Variants in GPM6A observed in about 807,000 individuals in gnomAD.
GPM6A encodes the protein glycoprotein M6A, also known as neuronal membrane glycoprotein M6-a.
Under a neutral mutation model 32.1 loss-of-function variants are expected in GPM6A, and 7 were observed. The observed-to-expected ratio is 0.22, with a 90% CI of 0.12 to 0.41. The LOEUF (loss-of-function observed/expected upper bound fraction) is 0.41, where lower values mean the gene tolerates loss of function less well. Ranked by LOEUF, GPM6A falls within the 10% of genes least tolerant of loss-of-function variation. The probability of loss-of-function intolerance (pLI) is 1.00; values close to 1 mark genes in which losing one functional copy is unlikely to be tolerated. For missense variants in GPM6A, 235 were observed against 347.2 expected, an observed-to-expected ratio of 0.68 and a Z score of 2.57; for synonymous variants, 130 against 123.4, an observed-to-expected ratio of 1.05 and a Z score of -0.35.
intron 1 of GPM6A, among the ~76,000 whole-genome samples, chr4:175,911,803 G>C (rs57621266): frequency 0.2 from 30,755 of 151,998 alleles, 3,510 homozygotes; most frequent in South Asian, 0.43. Context: ...CTGAAGGTGA[G>C]TGATTGCAGG....
rs141671730 is a variant in GPM6A at position 175,902,144 on chromosome 4, A to G, written c.-22-89895T>C. Among the ~76,000 whole-genome samples, 283 of 152,306 alleles carry G rather than the reference A, an allele frequency of 1.9e-3. 1 individual carries two copies. The highest frequency in any genetic ancestry group is 6.7e-3 in the African/African-American group (279 of 41,572). On this transcript the variant is annotated intron_variant, in intron 1 of 7. Coordinates refer to the GPM6A transcript ENST00000280187. ...ATAAAAATTTGAAGTATTCTCATAC[A>G]AGATGCTACTCTGGAATAAAAAAGA...
At chr4:175,770,942 G>T (rs1733163207) in intron 1 of GPM6A, among the ~76,000 whole-genome samples, 1 of 152,184 alleles carries the variant, frequency 6.6e-6, no homozygotes, top group Admixed American at 6.5e-5. Context: ...ATCTGAGAGC[G>T]GCTTCCTGCA....
chr4:175,636,260 G>GTATGTATATATATA (rs1740581905), intron 6 of GPM6A, among the ~76,000 whole-genome samples: 1 of 101,340 alleles, frequency 9.9e-6, no homozygotes, highest in Non-Finnish European at 2.0e-5. Context: ...CATAATCACT[G>GTATGTATATATATA]TATATATATA....
intron 1 of GPM6A, among the ~76,000 whole-genome samples, chr4:175,849,736 A>T (rs968841897): frequency 2.0e-5 from 3 of 152,172 alleles, no homozygotes; most frequent in Admixed American, 6.5e-5. Flanking sequence ...TCCCCAAAGT[A>T]AGTCATTGTC....
chr4:175,932,556 T>C lies in GPM6A; in HGVS notation c.-23+69753A>G, dbSNP rs1739086732. ...TGGCTATACAAACAAATTAAGACAA[T>C]ATCTTAAAGGCATTTTCTCATTTCA... On this transcript the variant is annotated intron_variant, in intron 1 of 7. Transcript: ENST00000280187. Among the ~76,000 whole-genome samples, 3 of 152,186 alleles carry C rather than the reference T, an allele frequency of 2.0e-5. No individual in the cohort carries two copies. In the South Asian group the frequency reaches 6.2e-4, roughly 31 times the overall value.
chr4:175,802,991 T>A (rs1734531982), intron 1 of GPM6A, among the ~76,000 whole-genome samples: 1 of 152,182 alleles, frequency 6.6e-6, no homozygotes, highest in Non-Finnish European at 1.5e-5. Context: ...ATGGAGTCCT[T>A]GCTGCATTCT....
intron 1 of GPM6A, among the ~76,000 whole-genome samples, chr4:175,974,857 AT>A (rs199884271): frequency 6.6e-6 from 1 of 151,944 alleles, no homozygotes; most frequent in Non-Finnish European, 1.5e-5. Flanking sequence ...TAATTTTGGT[AT>A]TTTTTGTAGA....
intron 3 of GPM6A, among the ~76,000 whole-genome samples, chr4:175,666,371 T>C (rs1742753921): frequency 6.6e-6 from 1 of 152,144 alleles, no homozygotes; most frequent in African/African-American, 2.4e-5. Flanking sequence ...AATCTCAAAA[T>C]GAGAAACAGA....
rs140195865 is a variant in GPM6A at position 175,758,361 on chromosome 4, G to A, written c.37+53830C>T. On this transcript the variant is annotated intron_variant, in intron 1 of 6. Coordinates refer to ENST00000393658, the MANE Select transcript of GPM6A (RefSeq NM_201591.3). ...GCTTTCTCAACAGTAGCATTTTTACGAAAATGGATAACAACTTTTAAGACA... is the reference window on the plus strand; with the variant it reads ...GCTTTCTCAACAGTAGCATTTTTACAAAAATGGATAACAACTTTTAAGACA... Among the ~76,000 whole-genome samples the A allele has an allele frequency of 4.3e-3, 653 of 152,200 alleles. 3 individuals carry two copies. Among genetic ancestry groups the A allele is most frequent in the Non-Finnish European group, 6.9e-3 (470 of 68,000 alleles).
At chr4:175,670,437 T>C (rs1742991226) in intron 3 of GPM6A, among the ~76,000 whole-genome samples, 1 of 152,152 alleles carries the variant, frequency 6.6e-6, no homozygotes, top group Non-Finnish European at 1.5e-5. Context: ...GCGGAATAAA[T>C]ATGTTTTGGC....
chr4:175,959,047 A>T (rs1450440310), intron 1 of GPM6A, among the ~76,000 whole-genome samples: 1 of 152,154 alleles, frequency 6.6e-6, no homozygotes, highest in East Asian at 1.9e-4. Flanking sequence ...ACACTTAAAA[A>T]CCCTATAGTT....
chr4:175,967,049 CAATAA>C (rs1210493788), intron 1 of GPM6A, among the ~76,000 whole-genome samples: 1 of 152,034 alleles, frequency 6.6e-6, no homozygotes, highest in Non-Finnish European at 1.5e-5. Flanking sequence ...CAAAAATCCT[CAATAA>C]AATATTAGCA....
chr4:175,728,719 G>T, intron 1 of GPM6A, among the ~76,000 whole-genome samples: 1 of 152,148 alleles, frequency 6.6e-6, no homozygotes, highest in East Asian at 1.9e-4. Flanking sequence ...GCTGAAAGCT[G>T]TTGGTGCCCT....
At chr4:175,829,481 TA>T (rs11333675) in intron 1 of GPM6A, among the ~76,000 whole-genome samples, 146,537 of 151,542 alleles carry the variant, frequency 0.97, 71,047 homozygotes, top group East Asian at 1. Flanking sequence ...TAAAGTCAGT[TA>T]AACAGTGAAG....
intron 1 of GPM6A, among the ~76,000 whole-genome samples, chr4:175,751,502 T>G (rs372442063): frequency 3.2e-4 from 48 of 152,286 alleles, no homozygotes; most frequent in South Asian, 2.3e-3. Flanking sequence ...CATGTTTATA[T>G]TCAGCAAATT....
intron 1 of GPM6A, among the ~76,000 whole-genome samples, chr4:175,808,931 C>T (rs1209955757): frequency 2.6e-5 from 4 of 152,134 alleles, no homozygotes; most frequent in African/African-American, 9.7e-5. Context: ...AACCTGCTGG[C>T]TCTTTCTGTC....
Position 175,673,668 on chromosome 4 carries a change from GAACT to G in GPM6A, c.387+8_387+11del, listed in dbSNP as rs1228300555. 1.3e-6 allele frequency: 2 copies of G among 1,592,806 alleles called. No homozygotes were observed. ...ATCCACATTAAATACTGAATGTAGA[GAACT>G]AACATACCCAAGCGCTCACACATCT... is the stretch of plus-strand genomic sequence containing the variant. On this transcript the variant is annotated splice_region_variant and intron_variant, in intron 3 of 6. Transcript: ENST00000393658.
At chr4:175,680,111 A>G (rs555529642) in intron 2 of GPM6A, among the ~76,000 whole-genome samples, 1 of 152,360 alleles carries the variant, frequency 6.6e-6, no homozygotes, top group East Asian at 1.9e-4. Context: ...ATATGCAACT[A>G]TATAAACATA....
intron 1 of GPM6A, among the ~76,000 whole-genome samples, chr4:175,876,298 C>T (rs926461358): frequency 3.9e-5 from 6 of 152,140 alleles, no homozygotes; most frequent in Admixed American, 2.0e-4. Flanking sequence ...GACCCCCTAC[C>T]AGACTGTGCT....
Sources: gnomAD v4.1 joint callset for allele counts (sites outside exome capture counted in the v4.1 genomes callset) on GRCh38, gnomAD v4.1.1 for gene constraint, MANE v1.5 for transcripts, NCBI Gene and HGNC (gene_info 2026-07-23, HGNC 2026-07-21) for gene names.